CAST: variants seen among roughly 807,000 people sequenced by gnomAD.
CAST encodes the protein calpastatin, also known as MIR583 host.
A neutral mutation model predicts 119.6 loss-of-function variants in CAST; 76 were observed. The ratio of observed to expected loss-of-function variants is 0.64; its 90% CI spans 0.53 to 0.77. The LOEUF (loss-of-function observed/expected upper bound fraction) is 0.77, where lower values mean the gene tolerates loss of function less well. Among genes scored for constraint, CAST ranks in the 30% least tolerant of loss-of-function variants. The pLI, the probability that CAST is intolerant of heterozygous loss-of-function variation, is 0.00. For missense variants in CAST, 953 were observed against 946.5 expected (o/e 1.01, Z -0.09); for synonymous variants, 319 against 331.6 (o/e 0.96, Z 0.41).
the CAST span, among the ~76,000 whole-genome samples, chr5:95,983,465 G>C: frequency 6.6e-6 from 1 of 152,114 alleles, no homozygotes; most frequent in Admixed American, 6.5e-5. Flanking sequence ...CACAACTATG[G>C]GCATTTTTTT....
At chr5:96,044,506 A>C in the CAST span, among the ~76,000 whole-genome samples, 9 of 152,232 alleles carry the variant, frequency 5.9e-5, no homozygotes, top group Non-Finnish European at 1.0e-4. Context: ...TTTATAAACT[A>C]TCCATGTAAT....
the CAST span, among the ~76,000 whole-genome samples, chr5:96,459,847 T>A: frequency 6.6e-6 from 1 of 152,178 alleles, no homozygotes; most frequent in Admixed American, 6.5e-5. Flanking sequence ...CTGAAATCAG[T>A]TCTGAGTGTG....
At chr5:96,527,755 T>C (rs1048656748), upstream of CAST, among the ~76,000 whole-genome samples, 2 of 152,134 alleles carry the variant, frequency 1.3e-5, no homozygotes, top group Non-Finnish European at 2.9e-5. Flanking sequence ...TCAAACCAAA[T>C]TTGAGCACAA....
the CAST span, among the ~76,000 whole-genome samples, chr5:96,375,205 A>T: frequency 6.6e-6 from 1 of 152,182 alleles, no homozygotes; most frequent in Non-Finnish European, 1.5e-5. Flanking sequence ...TGAACACAGA[A>T]TAAAAGAATC....
At chr5:96,183,099 C>CCACTG in the CAST span, among the ~76,000 whole-genome samples, 7 of 151,242 alleles carry the variant, frequency 4.6e-5, no homozygotes, top group African/African-American at 1.7e-4. Context: ...AGATCGCGCG[C>CCACTG]CACTGCACTC....
Position 96,533,032 on chromosome 5 carries a change from A to T in CAST, c.60+3152A>T, listed in dbSNP as rs1302785161. Among the ~76,000 whole-genome samples, 133 of 147,920 alleles carry T rather than the reference A, an allele frequency of 9.0e-4. 1 individual carries two copies. Among genetic ancestry groups the T allele is most frequent in the African/African-American group, 2.5e-3 (100 of 40,746 alleles). On this transcript the variant is annotated intron_variant, in intron 1 of 11. Coordinates refer to the CAST transcript ENST00000505143. ...AGAGGGAGACCTGGTCTCAAAAAAAAAAAAATAAAAATAAAAATAAAAATA... is the reference window on the plus strand; with the variant it reads ...AGAGGGAGACCTGGTCTCAAAAAAATAAAAATAAAAATAAAAATAAAAATA...
chr5:96,513,219 T>G, the CAST span, among the ~76,000 whole-genome samples: 2 of 152,358 alleles, frequency 1.3e-5, no homozygotes, highest in Admixed American at 1.3e-4. Context: ...TCCCAGTTTT[T>G]GCATCCTGTA....
chr5:96,011,174 A>G, the CAST span, among the ~76,000 whole-genome samples: 1 of 152,188 alleles, frequency 6.6e-6, no homozygotes, highest in Non-Finnish European at 1.5e-5. Flanking sequence ...TGAGTTTACA[A>G]TGGACTTTTT....
chr5:96,675,676 C>A (rs1015373803), intron 2 of CAST, 75 bp downstream of exon 2: 1 of 1,120,944 alleles, frequency 8.9e-7, no homozygotes, highest in Non-Finnish European at 1.3e-6. Context: ...TATTAAATAA[C>A]GATGTAGCAA....
At chr5:96,542,714 A>G (rs1288714304) in intron 1 of CAST, among the ~76,000 whole-genome samples, 2 of 152,226 alleles carry the variant, frequency 1.3e-5, no homozygotes, top group Non-Finnish European at 2.9e-5. Context: ...TATAAGACAT[A>G]TGTTTTACAA....
At chr5:96,662,327 C>CCCTCCCTCCCTCCCTCTCTCCCTCCCTG, upstream of CAST, 1 of 414,880 alleles carries the variant, frequency 2.4e-6, no homozygotes, top group South Asian at 2.9e-5. Context: ...TCCGCTCCCT[C>CCCTCCCTCCCTCCCTCTCTCCCTCCCTG]CCTCCCTCCC....
At chr5:96,584,074 C>A (rs1190319706) in intron 1 of CAST, among the ~76,000 whole-genome samples, 2 of 152,148 alleles carry the variant, frequency 1.3e-5, no homozygotes, top group African/African-American at 4.8e-5. Context: ...TAGTCGCCAA[C>A]CTTTTTGGGA....
the CAST span, among the ~76,000 whole-genome samples, chr5:96,258,246 C>G: frequency 2.0e-5 from 3 of 152,128 alleles, no homozygotes; most frequent in Non-Finnish European, 2.9e-5. Context: ...AGGCCATTAT[C>G]AGACCTGGAC....
the CAST span, among the ~76,000 whole-genome samples, chr5:96,314,810 C>T: frequency 6.6e-6 from 1 of 152,192 alleles, no homozygotes; most frequent in Non-Finnish European, 1.5e-5. Context: ...AGTCAAGAAG[C>T]ACATGCTGAT....
the CAST span, among the ~76,000 whole-genome samples, chr5:96,065,423 G>A: frequency 3.2e-4 from 49 of 151,692 alleles, 1 homozygote; most frequent in African/African-American, 1.1e-3. Context: ...GTGTGTGTGT[G>A]TGTGTGTGTA....
the CAST span, among the ~76,000 whole-genome samples, chr5:96,178,136 A>G: frequency 6.6e-6 from 1 of 152,238 alleles, no homozygotes; most frequent in East Asian, 1.9e-4. Context: ...ATGAAACCAT[A>G]GATTCAATAT....
At chr5:96,366,386 T>C in the CAST span, among the ~76,000 whole-genome samples, 10 of 152,242 alleles carry the variant, frequency 6.6e-5, no homozygotes, top group Non-Finnish European at 1.2e-4. Flanking sequence ...CCTTGCTAGG[T>C]TGGGGAAGTT....
the CAST span, among the ~76,000 whole-genome samples, chr5:96,057,186 G>A: frequency 6.6e-6 from 1 of 152,180 alleles, no homozygotes; most frequent in Non-Finnish European, 1.5e-5. Context: ...GAAACTCTGT[G>A]ATTGCTATAA....
upstream of CAST, among the ~76,000 whole-genome samples, chr5:96,525,081 G>A (rs1745577028): frequency 6.6e-6 from 1 of 152,204 alleles, no homozygotes; most frequent in Non-Finnish European, 1.5e-5. Context: ...ATTTTAGGCT[G>A]TAAACTCCTT....
Sources: allele counts gnomAD v4.1 joint callset (sites outside exome capture counted in the v4.1 genomes callset), GRCh38; gene constraint gnomAD v4.1.1; transcripts MANE v1.5; gene names NCBI Gene and HGNC (gene_info 2026-07-23, HGNC 2026-07-21).